Variants in RBFOX1 observed in about 807,000 individuals in gnomAD.
RBFOX1 encodes the protein RNA binding fox-1 homolog 1, also known as RNA binding protein fox-1 homolog 1.
In RBFOX1, 8 loss-of-function variants were observed where a neutral mutation model predicts 57.7. The observed-to-expected ratio is 0.14, with a 90% CI of 0.08 to 0.25. The LOEUF is 0.25. RBFOX1 is among the 10% of genes least tolerant of loss of function. RBFOX1 has a pLI of 1.00. For synonymous variants in RBFOX1, 326 were observed against 222.4 expected, an observed-to-expected ratio of 1.47 and a Z score of -4.15; for missense variants, 611 against 548.5, an observed-to-expected ratio of 1.11 and a Z score of -1.14.
At chr16:5,243,172 G>T (rs1350881807) in intron 1 of RBFOX1, among the ~76,000 whole-genome samples, 1 of 152,140 alleles carries the variant, frequency 6.6e-6, no homozygotes, top group Non-Finnish European at 1.5e-5. Flanking sequence ...GTTCCTGGAG[G>T]GAGAGAGAAG....
At chr16:5,551,491 G>A (rs2045463072) in intron 2 of RBFOX1, among the ~76,000 whole-genome samples, 1 of 152,136 alleles carries the variant, frequency 6.6e-6, no homozygotes, top group East Asian at 1.9e-4. Context: ...GGCTTCCTTA[G>A]GTTATTTAGG....
At chr16:7,377,419 A>G (rs1355084939) in intron 4 of RBFOX1, among the ~76,000 whole-genome samples, 2 of 152,238 alleles carry the variant, frequency 1.3e-5, no homozygotes, top group African/African-American at 4.8e-5. Context: ...ACACACAGGA[A>G]GAGTTTCTGA....
At chr16:5,298,602 TC>T (rs2063731938) in intron 1 of RBFOX1, among the ~76,000 whole-genome samples, 1 of 2,748 alleles carries the variant, frequency 3.6e-4, no homozygotes, top group African/African-American at 2.1e-3. Context: ...CCTCCCCTCC[TC>T]TCCCCTCCCC....
chr16:6,949,473 C>T (rs2080244959), intron 3 of RBFOX1, among the ~76,000 whole-genome samples: 1 of 152,186 alleles, frequency 6.6e-6, no homozygotes. Context: ...TCTTACCCTT[C>T]TGGAGGCTGG....
intron 4 of RBFOX1, among the ~76,000 whole-genome samples, chr16:5,888,528 G>A (rs1205445741): frequency 2.0e-5 from 3 of 152,158 alleles, no homozygotes; most frequent in Non-Finnish European, 4.4e-5. Context: ...GGGCGCAGTG[G>A]CTCACGCCTG....
intron 4 of RBFOX1, among the ~76,000 whole-genome samples, chr16:7,258,976 T>A (rs2094809725): frequency 6.6e-6 from 1 of 152,228 alleles, no homozygotes; most frequent in Non-Finnish European, 1.5e-5. Flanking sequence ...ACATATTGCA[T>A]ACCTTTCCAA....
At position 5,481,950 on chromosome 16, in the gene RBFOX1, A is replaced by C. The variant is rs9929302; in HGVS notation, c.258+14696A>C. On this transcript the variant is annotated intron_variant, in intron 2 of 2. Coordinates refer to the RBFOX1 transcript ENST00000585867. Reference sequence around the variant, plus strand: ...CTTTAGTTACTTCTTTAAAGACTCCATCACCAAATACGGTCACATTCTGAA... The same window carrying C: ...CTTTAGTTACTTCTTTAAAGACTCCCTCACCAAATACGGTCACATTCTGAA... 4.9e-3 allele frequency among the ~76,000 whole-genome samples: 742 copies of C among 152,292 alleles called. 3 individuals are homozygous for C. Among genetic ancestry groups the C allele is most frequent in the African/African-American group, 0.017 (702 of 41,558 alleles).
chr16:5,647,871 G>GT (rs919522832), intron 3 of RBFOX1, among the ~76,000 whole-genome samples: 4 of 151,458 alleles, frequency 2.6e-5, no homozygotes, highest in East Asian at 3.9e-4. Context: ...TTTTGTTTTT[G>GT]TTTTTTGAGA....
chr16:6,578,801 A>G (rs1260540589), intron 2 of RBFOX1, among the ~76,000 whole-genome samples: 1 of 152,022 alleles, frequency 6.6e-6, no homozygotes, highest in Admixed American at 6.6e-5. Context: ...TATAATATAG[A>G]TTTTTTTAAG....
chr16:6,489,361 G>T (rs2095578478), intron 2 of RBFOX1, among the ~76,000 whole-genome samples: 1 of 152,110 alleles, frequency 6.6e-6, no homozygotes, highest in Non-Finnish European at 1.5e-5. Flanking sequence ...TATTTGCCGA[G>T]CACTCTTGCA....
intron 4 of RBFOX1, among the ~76,000 whole-genome samples, chr16:7,227,165 C>T: frequency 6.6e-6 from 1 of 152,196 alleles, no homozygotes. Context: ...TTATGTCACT[C>T]ATGTACATGG....
At chr16:7,569,815 C>T (rs1180066983) in intron 5 of RBFOX1, among the ~76,000 whole-genome samples, 1 of 151,602 alleles carries the variant, frequency 6.6e-6, no homozygotes, top group Non-Finnish European at 1.5e-5. Flanking sequence ...TTGCAGTGAG[C>T]CTTGATCATT....
chr16:6,585,188 C>G (rs2097590245), intron 2 of RBFOX1, among the ~76,000 whole-genome samples: 1 of 152,166 alleles, frequency 6.6e-6, no homozygotes, highest in Admixed American at 6.5e-5. Context: ...TAATGTCCTC[C>G]ATGGTATTTT....
intron 4 of RBFOX1, among the ~76,000 whole-genome samples, chr16:7,226,501 G>C (rs2093131747): frequency 6.6e-6 from 1 of 152,156 alleles, no homozygotes; most frequent in African/African-American, 2.4e-5. Context: ...TACATTCTGA[G>C]GGCAAAACCC....
At chr16:6,533,986 T>TAC (rs1359285054) in intron 2 of RBFOX1, among the ~76,000 whole-genome samples, 2 of 152,090 alleles carry the variant, frequency 1.3e-5, no homozygotes, top group African/African-American at 2.4e-5. Flanking sequence ...TGTGTATATA[T>TAC]ACACACACAC....
intron 7 of RBFOX1, among the ~76,000 whole-genome samples, 166 bp downstream of exon 7, chr16:7,587,466 G>A (rs755566758): frequency 2.7e-4 from 41 of 152,092 alleles, no homozygotes; most frequent in African/African-American, 7.5e-4. Context: ...GAAAGACATC[G>A]GGTTCAGTTT....
At chr16:7,025,491 T>C (rs1427706170) in intron 3 of RBFOX1, among the ~76,000 whole-genome samples, 1 of 152,174 alleles carries the variant, frequency 6.6e-6, no homozygotes. Flanking sequence ...TCAGCCTTGT[T>C]GTACCCAGCC....
chr16:6,558,822 C>T (rs1049792088), intron 2 of RBFOX1, among the ~76,000 whole-genome samples: 7 of 149,848 alleles, frequency 4.7e-5, no homozygotes, highest in African/African-American at 1.5e-4. Flanking sequence ...CTTGCCTTAC[C>T]GCCATGCTGA....
intron 4 of RBFOX1, among the ~76,000 whole-genome samples, chr16:7,277,072 G>A (rs754332783): frequency 3.3e-5 from 5 of 152,124 alleles, no homozygotes; most frequent in African/African-American, 7.2e-5. Flanking sequence ...AATAGCAAAC[G>A]TTGTATTTTG....
Sources: gnomAD v4.1 joint callset for allele counts (sites outside exome capture counted in the v4.1 genomes callset) on GRCh38, gnomAD v4.1.1 for gene constraint, MANE v1.5 for transcripts, NCBI Gene and HGNC (gene_info 2026-07-23, HGNC 2026-07-21) for gene names.